LSM4: variants seen among roughly 807,000 people sequenced by gnomAD.
LSM4 encodes the protein U6 snRNA-associated Sm-like protein LSm4.
In LSM4, 15 loss-of-function variants were observed where a neutral mutation model predicts 22.3. The ratio of observed to expected loss-of-function variants is 0.67; its 90% CI spans 0.45 to 1.03. The LOEUF is 1.03. Ranked by LOEUF, LSM4 falls within the 50% of genes least tolerant of loss-of-function variation. The pLI is 0.00. For missense variants in LSM4, 127 were observed against 198.0 expected (o/e 0.64, Z 2.15); for synonymous variants, 90 against 79.8 (o/e 1.13, Z -0.68).
Position 18,307,462 on chromosome 19 carries a change from GCTCA to G in LSM4, c.418_*1del. On this transcript the variant is annotated stop_lost and 3_prime_UTR_variant, in exon 5 of 5. Transcript: ENST00000593829. Reference sequence around the variant, plus strand: ...GGCGCAGCAGCCGGTCTGGGTGGGCGCTCACTGTTTGCCCGCCTGTCTGCCAGGC... The same window carrying G: ...GGCGCAGCAGCCGGTCTGGGTGGGCGCTGTTTGCCCGCCTGTCTGCCAGGC... 1.3e-6 allele frequency: 2 copies of G among 1,534,966 alleles called. No homozygotes were observed. The highest frequency in any genetic ancestry group is 1.8e-6 in the Non-Finnish European group (2 of 1,142,652).
chr19:18,309,893 C>G, intron 3 of LSM4, 32 bp from the exon 4 acceptor site: 1 of 1,605,632 alleles, frequency 6.2e-7, no homozygotes, highest in Non-Finnish European at 8.5e-7. Flanking sequence ...TATTAACTTA[C>G]CACCGGGCCG....
intron 3 of LSM4, 32 bp from the exon 4 acceptor site, chr19:18,309,893 C>A (rs1195367418): frequency 1.9e-6 from 3 of 1,605,514 alleles, no homozygotes; most frequent in East Asian, 2.2e-5. Flanking sequence ...TATTAACTTA[C>A]CACCGGGCCG....
chr19:18,309,667 G>A lies in LSM4; in HGVS notation c.328+11C>T, dbSNP rs1012140285. The A allele has an allele frequency of 1.3e-6, 2 of 1,592,190 alleles. No homozygotes were observed. The highest frequency in any genetic ancestry group is 1.8e-5 in the Admixed American group (1 of 54,934). ...CGCCCCAGGTACGTCCACTGGAGAGGGGAGACCCACCTCGGCCAGCGCCGC... is the reference window on the plus strand; with the variant it reads ...CGCCCCAGGTACGTCCACTGGAGAGAGGAGACCCACCTCGGCCAGCGCCGC... On this transcript the variant is annotated intron_variant, in intron 4 of 4. Coordinates refer to ENST00000593829, the MANE Select transcript of LSM4 (RefSeq NM_012321.5).
At chr19:18,322,795 CTG>C (rs1436731433) in intron 1 of LSM4, among the ~76,000 whole-genome samples, 2 of 152,106 alleles carry the variant, frequency 1.3e-5, no homozygotes, top group East Asian at 3.9e-4. Flanking sequence ...GGCCACTGTA[CTG>C]TGGATACAAG....
At chr19:18,313,301 G>A (rs1442720220) in intron 2 of LSM4, among the ~76,000 whole-genome samples, 1 of 152,154 alleles carries the variant, frequency 6.6e-6, no homozygotes, top group African/African-American at 2.4e-5. Flanking sequence ...TGAGACAATG[G>A]TGATGGTGGC....
intron 4 of LSM4, among the ~76,000 whole-genome samples, chr19:18,308,338 G>T (rs1410907637): frequency 1.3e-5 from 2 of 152,180 alleles, no homozygotes; most frequent in Non-Finnish European, 2.9e-5. Context: ...GGTTGGTCAG[G>T]CCGGGACCCA....
intron 4 of LSM4, among the ~76,000 whole-genome samples, chr19:18,308,201 G>A (rs1227722946): frequency 6.6e-6 from 1 of 152,142 alleles, no homozygotes; most frequent in East Asian, 1.9e-4. Context: ...GGGACTGAGT[G>A]GACGCTACAG....
At chr19:18,311,821 G>C (rs16995488) in intron 3 of LSM4, among the ~76,000 whole-genome samples, 91 of 152,196 alleles carry the variant, frequency 6.0e-4, no homozygotes, top group African/African-American at 2.2e-3. Flanking sequence ...GGCAAGATAC[G>C]GCCACTTCAG....
chr19:18,316,807 G>T (rs927435466), intron 1 of LSM4, among the ~76,000 whole-genome samples: 1 of 152,126 alleles, frequency 6.6e-6, no homozygotes, highest in Non-Finnish European at 1.5e-5. Flanking sequence ...GGTCCTGTCT[G>T]TCTGAAGCAA....
intron 2 of LSM4, among the ~76,000 whole-genome samples, chr19:18,313,989 T>G (rs1490272355): frequency 6.6e-6 from 1 of 152,056 alleles, no homozygotes; most frequent in Non-Finnish European, 1.5e-5. Context: ...CCAGCTAATT[T>G]TTTAGTAGAG....
intron 2 of LSM4, among the ~76,000 whole-genome samples, chr19:18,315,341 G>A (rs955460282): frequency 1.5e-4 from 23 of 152,024 alleles, no homozygotes; most frequent in Admixed American, 6.6e-4. Context: ...GGAGAGACGT[G>A]GTTTCTCCAT....
chr19:18,313,964 C>T (rs1046498926), intron 2 of LSM4, among the ~76,000 whole-genome samples: 2 of 152,092 alleles, frequency 1.3e-5, no homozygotes, highest in Non-Finnish European at 2.9e-5. Flanking sequence ...GGATTACAGG[C>T]GCCTGCCATC....
intron 3 of LSM4, among the ~76,000 whole-genome samples, chr19:18,311,882 G>A (rs1488342927): frequency 6.6e-6 from 1 of 152,176 alleles, no homozygotes; most frequent in Non-Finnish European, 1.5e-5. Context: ...GGTGACCCCA[G>A]GCAGGCACTC....
At position 18,312,700 on chromosome 19, in the gene LSM4, C is replaced by T. The variant is rs1477119283; in HGVS notation, c.48G>A (p.Leu16=). Residue 16 remains leucine, a splice_region_variant and synonymous_variant, in exon 3 of 5, where the codon TTG becomes TTA. Transcript: ENST00000593829. ...LLKTAQNHPM[L]VELKNGETYN... is the part of the protein sequence containing the mutation. ...ACGTCTCCCCATTTTTCAGCTCCAC[C>T]AACTAGAAGAGAGACAGGCTAGAGG... 3.1e-6 allele frequency: 5 copies of T among 1,612,198 alleles called. No individual in the cohort carries two copies. The South Asian group carries it at 4.4e-5, about 14-fold the overall frequency.
At chr19:18,308,020 G>A (rs1312394320) in intron 4 of LSM4, among the ~76,000 whole-genome samples, 1 of 151,980 alleles carries the variant, frequency 6.6e-6, no homozygotes, top group Non-Finnish European at 1.5e-5. Context: ...AACAGAAAGA[G>A]GGATTTCTGT....
At chr19:18,310,102 G>A (rs1319929193) in intron 3 of LSM4, 10 of 531,868 alleles carry the variant, frequency 1.9e-5, no homozygotes, top group Non-Finnish European at 3.3e-5. Flanking sequence ...CCCCCATTGT[G>A]CACTCACAAG....
At chr19:18,309,645 C>T (rs747066242) in intron 4 of LSM4, 33 bp downstream of exon 4, 90 of 1,549,564 alleles carry the variant, frequency 5.8e-5, no homozygotes, top group Middle Eastern at 4.2e-4. Flanking sequence ...GTCTTCCCGC[C>T]CCAGGTACGT....
intron 1 of LSM4, among the ~76,000 whole-genome samples, chr19:18,321,223 G>A (rs1306449821): frequency 2.0e-5 from 3 of 152,194 alleles, no homozygotes; most frequent in Admixed American, 6.5e-5. Context: ...GAATCTAGTC[G>A]GAAGAAAAAC....
intron 1 of LSM4, among the ~76,000 whole-genome samples, chr19:18,318,469 G>A (rs1473964288): frequency 2.6e-5 from 4 of 152,248 alleles, no homozygotes; most frequent in African/African-American, 4.8e-5. Context: ...GGAGGGCTGC[G>A]GGCGGCTGGG....
Sources: allele counts gnomAD v4.1 joint callset (sites outside exome capture counted in the v4.1 genomes callset), GRCh38; gene constraint gnomAD v4.1.1; transcripts MANE v1.5; gene names NCBI Gene and HGNC (gene_info 2026-07-23, HGNC 2026-07-21).